The following DLGAP2 variants were observed in gnomAD, a reference collection of about 807,000 sequenced individuals.
DLGAP2 encodes disks large-associated protein 2.
DLGAP2 carries 26 observed loss-of-function variants against 100.3 expected under a neutral mutation model. The ratio of observed to expected loss-of-function variants is 0.26; its 90% CI spans 0.19 to 0.36. The LOEUF (loss-of-function observed/expected upper bound fraction) is 0.36. Ranked by LOEUF, DLGAP2 falls within the 10% of genes least tolerant of loss-of-function variation. The probability of loss-of-function intolerance (pLI) is 1.00; values close to 1 mark genes in which losing one functional copy is unlikely to be tolerated. For missense variants in DLGAP2, 1,858 were observed against 1,453.2 expected (o/e 1.28, Z -4.53); for synonymous variants, 886 against 630.1 (o/e 1.41, Z -6.08).
intron 6 of DLGAP2, among the ~76,000 whole-genome samples, chr8:1,590,667 T>C (rs1796263493): frequency 6.6e-6 from 1 of 152,250 alleles, no homozygotes; most frequent in African/African-American, 2.4e-5. Flanking sequence ...AATTTCATGA[T>C]TAACTGAGTT....
At chr8:904,671 G>A (rs1028486376) in intron 1 of DLGAP2, among the ~76,000 whole-genome samples, 20 of 152,122 alleles carry the variant, frequency 1.3e-4, no homozygotes, top group African/African-American at 3.6e-4. Context: ...TCAGTATTTC[G>A]GGAACACATG....
At position 1,324,628 on chromosome 8, in the gene DLGAP2, T is replaced by C. The variant is rs559344187; in HGVS notation, c.106+65745T>C. 1.1e-3 allele frequency among the ~76,000 whole-genome samples: 164 copies of C among 152,320 alleles called. No individual in the cohort carries two copies. In the Middle Eastern group the frequency reaches 0.014, roughly 13 times the overall value. ...GTTTGCAATGTAAGGACAAGTGTTA[T>C]CCTCTCAAAAGCGCCTTTGGACTGG... On this transcript the variant is annotated intron_variant, in intron 3 of 14. Coordinates refer to ENST00000637795, the MANE Select transcript of DLGAP2 (RefSeq NM_001346810.2).
chr8:1,474,863 C>G lies in DLGAP2; in HGVS notation c.107-26503C>G, dbSNP rs1479131848. On this transcript the variant is annotated intron_variant, in intron 3 of 14. Transcript: ENST00000637795. ...CTGAGAGTTGAACTACCGTTTGACC[C>G]CATAATGCTATTACTAGGTATATAG... Among the ~76,000 whole-genome samples the G allele has an allele frequency of 3.3e-5, 5 of 152,298 alleles. No homozygotes were observed. The East Asian group carries it at 9.7e-4, about 29-fold the overall frequency.
chr8:1,184,282 G>T (rs1392769444), intron 2 of DLGAP2, among the ~76,000 whole-genome samples: 1 of 152,244 alleles, frequency 6.6e-6, no homozygotes, highest in African/African-American at 2.4e-5. Flanking sequence ...ATTATTTCAA[G>T]ACATGAAACT....
chr8:1,633,012 C>T lies in DLGAP2; in HGVS notation c.1776C>T (p.Pro592=), dbSNP rs770113989. ...QDDECIPMMT[P]SDITSTIRST... is the part of the protein sequence containing the mutation. ...ACGAATGTATTCCCATGATGACACC[C>T]TCTGACATCACCTCCACCATCAGGT... is the stretch of plus-strand genomic sequence containing the variant. The change falls in exon 8 of 15, where the codon CCC becomes CCT. Residue 592 remains proline, a synonymous_variant. Transcript: ENST00000637795. 4 of 1,613,894 alleles carry T rather than the reference C, an allele frequency of 2.5e-6. No homozygotes were observed. Among genetic ancestry groups the T allele is most frequent in the African/African-American group, 2.7e-5 (2 of 74,926 alleles).
chr8:1,351,712 A>C lies in DLGAP2; in HGVS notation c.106+92829A>C, dbSNP rs144606178. On this transcript the variant is annotated intron_variant, in intron 3 of 14. Coordinates refer to ENST00000637795, the MANE Select transcript of DLGAP2 (RefSeq NM_001346810.2). ...GGTCCTGACTGTGCGTGGAAAGGCC[A>C]TGCGGGTCCTGAGTGTGTGTGGAAA... 2.3e-4 allele frequency among the ~76,000 whole-genome samples: 6 copies of C among 25,686 alleles called. 2 individuals carry two copies. The highest frequency in any genetic ancestry group is 6.4e-4 in the African/African-American group (6 of 9,380). 16.9% of individuals were successfully genotyped at this position (25,686 alleles called of 152,430 possible).
chr8:1,209,883 C>G (rs62486895), intron 2 of DLGAP2, among the ~76,000 whole-genome samples: 10 of 152,104 alleles, frequency 6.6e-5, no homozygotes, highest in Non-Finnish European at 1.3e-4. Context: ...CCTACCCCCT[C>G]GTAATCCCAC....
chr8:1,567,501 G>C (rs552516051), intron 6 of DLGAP2, among the ~76,000 whole-genome samples: 2 of 152,218 alleles, frequency 1.3e-5, no homozygotes, highest in East Asian at 3.9e-4. Context: ...TTAGACCATG[G>C]GCAGGGACTA....
At chr8:930,289 T>C (rs184012392) in intron 2 of DLGAP2, among the ~76,000 whole-genome samples, 3 of 152,288 alleles carry the variant, frequency 2.0e-5, no homozygotes, top group Admixed American at 1.3e-4. Flanking sequence ...CAGTGCACGA[T>C]CCACCTGCTC....
In DLGAP2 at chr8:1,525,268, T is replaced by G. The variant is rs147630971; in HGVS notation, c.173-23358T>G. ...AGCAAACTTACCTTAAAGTCATGAG[T>G]TCAAAATTCAAACCAGGCTTCTGAC... is the stretch of plus-strand genomic sequence containing the variant. On this transcript the variant is annotated intron_variant, in intron 4 of 14. Coordinates refer to ENST00000637795, the MANE Select transcript of DLGAP2 (RefSeq NM_001346810.2). Among the ~76,000 whole-genome samples, 191 of 151,342 alleles carry G rather than the reference T, an allele frequency of 1.3e-3. 2 individuals are homozygous for G. Among genetic ancestry groups the G allele is most frequent in the African/African-American group, 4.3e-3 (177 of 41,104 alleles).
intron 2 of DLGAP2, among the ~76,000 whole-genome samples, chr8:944,718 C>G (rs1417094435): frequency 6.6e-6 from 1 of 151,600 alleles, no homozygotes; most frequent in Non-Finnish European, 1.5e-5. Flanking sequence ...GCAGGTGATC[C>G]AGTCAGTGGC....
At chr8:1,284,937 C>G (rs1799892859) in intron 3 of DLGAP2, among the ~76,000 whole-genome samples, 1 of 152,188 alleles carries the variant, frequency 6.6e-6, no homozygotes, top group Non-Finnish European at 1.5e-5. Context: ...TTTTTGCCTG[C>G]CCATCTTTGC....
intron 3 of DLGAP2, among the ~76,000 whole-genome samples, chr8:1,356,585 A>C (rs575556440): frequency 9.8e-5 from 15 of 152,296 alleles, no homozygotes; most frequent in African/African-American, 3.4e-4. Flanking sequence ...CCCCCCAGGC[A>C]GAACATGACG....
At chr8:998,691 T>G (rs1015394259) in intron 2 of DLGAP2, among the ~76,000 whole-genome samples, 20 of 152,194 alleles carry the variant, frequency 1.3e-4, no homozygotes, top group Admixed American at 6.5e-4. Context: ...GCTTCACGAT[T>G]TCTTCCTAGG....
intron 2 of DLGAP2, among the ~76,000 whole-genome samples, chr8:1,200,972 G>A (rs1797859882): frequency 6.6e-6 from 1 of 152,214 alleles, no homozygotes; most frequent in South Asian, 2.1e-4. Flanking sequence ...GCTGCGCTCG[G>A]CCTTAGGGAA....
intron 2 of DLGAP2, among the ~76,000 whole-genome samples, chr8:923,371 AG>A (rs1798752470): frequency 6.6e-6 from 1 of 152,200 alleles, no homozygotes; most frequent in Non-Finnish European, 1.5e-5. Context: ...GAAGACTCTG[AG>A]GGGCCACTGC....
intron 2 of DLGAP2, among the ~76,000 whole-genome samples, chr8:1,078,898 C>G (rs879156663): frequency 6.6e-6 from 1 of 152,178 alleles, no homozygotes; most frequent in Admixed American, 6.5e-5. Context: ...GAGATGTTTT[C>G]AACTCATCCA....
chr8:1,430,754 A>T (rs1195872324), intron 3 of DLGAP2, among the ~76,000 whole-genome samples: 1 of 152,222 alleles, frequency 6.6e-6, no homozygotes, highest in Non-Finnish European at 1.5e-5. Context: ...TTCAACCTGC[A>T]GATCCAAAAA....
At chr8:1,569,687 A>G (rs1036943788) in intron 6 of DLGAP2, among the ~76,000 whole-genome samples, 2 of 152,254 alleles carry the variant, frequency 1.3e-5, no homozygotes, top group Non-Finnish European at 2.9e-5. Context: ...TTTTATGGAC[A>G]GAAACATGAC....
Sources: gnomAD v4.1 joint callset for allele counts (sites outside exome capture counted in the v4.1 genomes callset) on GRCh38, gnomAD v4.1.1 for gene constraint, MANE v1.5 for transcripts, NCBI Gene and HGNC (gene_info 2026-07-23, HGNC 2026-07-21) for gene names.